The following C10orf90 variants were observed in gnomAD, a reference collection of about 807,000 sequenced individuals.
C10orf90 encodes chromosome 10 open reading frame 90.
Under a neutral mutation model 62.5 loss-of-function variants are expected in C10orf90, and 56 were observed. The observed-to-expected ratio is 0.90, with a 90% CI of 0.72 to 1.12. C10orf90 has a LOEUF of 1.12. C10orf90 is among the 50% of genes most tolerant of loss of function. The pLI, the probability that C10orf90 is intolerant of heterozygous loss-of-function variation, is 0.00. For missense variants in C10orf90, 970 were observed against 880.4 expected (o/e 1.10, Z -1.29); for synonymous variants, 386 against 340.4 (o/e 1.13, Z -1.47).
At chr10:126,523,333 A>T (rs1474922619) in intron 2 of C10orf90, 3 of 152,218 alleles carry the variant, frequency 2.0e-5, no homozygotes, top group African/African-American at 7.2e-5. Context: ...CACCCCGCTC[A>T]TGGGTACCGC....
chr10:126,465,368 G>A (rs1301980189), intron 4 of C10orf90, among the ~76,000 whole-genome samples: 2 of 151,118 alleles, frequency 1.3e-5, no homozygotes, highest in Admixed American at 6.6e-5. Flanking sequence ...TATTATTTAG[G>A]TTTCTGTAAT....
chr10:126,547,527 G>A lies in C10orf90; in HGVS notation c.314-33588C>T, dbSNP rs1387897325. Among the ~76,000 whole-genome samples the A allele has an allele frequency of 5.0e-5, 7 of 139,472 alleles. No homozygotes were observed. In the East Asian group the frequency reaches 6.2e-4, roughly 12 times the overall value. 91.5% of individuals were successfully genotyped at this position (139,472 alleles called of 152,430 possible). ...AAAAAAAAAAAAGACAATAGATGCC[G>A]ACACTGAGAGGACAAACACACCGGA... is the stretch of plus-strand genomic sequence containing the variant. On this transcript the variant is annotated intron_variant, in intron 2 of 9. Coordinates refer to ENST00000488181, the MANE Select transcript of C10orf90 (RefSeq NM_001350921.2).
chr10:126,590,044 C>G (rs1427091682), intron 2 of C10orf90, among the ~76,000 whole-genome samples: 2 of 152,068 alleles, frequency 1.3e-5, no homozygotes, highest in Non-Finnish European at 2.9e-5. Flanking sequence ...GGGTTGCAAT[C>G]CTAGTTTCTG....
chr10:126,567,325 G>A (rs1294345357), intron 2 of C10orf90, among the ~76,000 whole-genome samples: 1 of 152,142 alleles, frequency 6.6e-6, no homozygotes, highest in East Asian at 1.9e-4. Flanking sequence ...GGATGAAGGG[G>A]AAGGTGCTAC....
intron 4 of C10orf90, among the ~76,000 whole-genome samples, chr10:126,472,624 C>G (rs1860638696): frequency 6.6e-6 from 1 of 152,062 alleles, no homozygotes; most frequent in African/African-American, 2.4e-5. Flanking sequence ...TTCTTGCTTT[C>G]CTGGGTACTC....
intron 2 of C10orf90, among the ~76,000 whole-genome samples, chr10:126,533,611 C>G (rs1220698741): frequency 6.6e-6 from 1 of 152,146 alleles, no homozygotes; most frequent in African/African-American, 2.4e-5. Context: ...ACGGGAGCCC[C>G]CACATTTGAG....
At chr10:126,670,212 C>T (rs1439000801) in intron 1 of C10orf90, 29 bp downstream of exon 1, 1 of 455,584 alleles carries the variant, frequency 2.2e-6, no homozygotes, top group Non-Finnish European at 4.4e-6. Context: ...CAAGCGTGTA[C>T]CCACTCACCC....
intron 3 of C10orf90, among the ~76,000 whole-genome samples, chr10:126,506,683 T>C (rs953767885): frequency 6.6e-6 from 1 of 152,218 alleles, no homozygotes; most frequent in Admixed American, 6.5e-5. Flanking sequence ...GTCACACACT[T>C]TGAGAAACAC....
chr10:126,547,139 G>A lies in C10orf90; in HGVS notation c.314-33200C>T, dbSNP rs114051085. Reference sequence around the variant, plus strand: ...ACAACAACAAAAACAACAAAAAAAGGCCGGGCGTTGTGGCTCACGCCTGTA... The same window carrying A: ...ACAACAACAAAAACAACAAAAAAAGACCGGGCGTTGTGGCTCACGCCTGTA... On this transcript the variant is annotated intron_variant, in intron 2 of 9. Coordinates refer to ENST00000488181, the MANE Select transcript of C10orf90 (RefSeq NM_001350921.2). 5.5e-3 allele frequency among the ~76,000 whole-genome samples: 820 copies of A among 150,174 alleles called. 6 individuals are homozygous for A. The highest frequency in any genetic ancestry group is 0.033 in the East Asian group (164 of 4,936).
rs1171383933 is a variant in C10orf90 at position 126,504,426 on chromosome 10, C to A, written c.1065G>T (p.Gln355His). Reference protein sequence around the residue: ...FSSCVHLRVSQQCPDSIYYVD... With the variant: ...FSSCVHLRVSHQCPDSIYYVD... ...CGTAATAGATTGAATCTGGACACTG[C>A]TGAGACACCCTGAGGTGGACACAGG... The change falls in exon 4 of 10, where the codon CAG becomes CAT. Residue 355 changes from glutamine (Q) to histidine (H), a missense_variant. Gln to His is a conservative substitution (Grantham distance 24, BLOSUM62 0). Transcript: ENST00000488181. The surrounding 1 kb of genome is among the most constrained non-coding windows in gnomAD (Gnocchi z 4.1). 1 of 1,614,090 alleles carries A rather than the reference C, an allele frequency of 6.2e-7. No individual in the cohort carries two copies. The highest frequency in any genetic ancestry group is 8.5e-7 in the Non-Finnish European group (1 of 1,180,058).
intron 7 of C10orf90, among the ~76,000 whole-genome samples, chr10:126,432,423 T>C (rs1443483532): frequency 6.6e-6 from 1 of 152,152 alleles, no homozygotes; most frequent in Non-Finnish European, 1.5e-5. Context: ...AAATAACAGA[T>C]AAGACCGTCC....
intron 2 of C10orf90, among the ~76,000 whole-genome samples, chr10:126,577,955 C>G (rs1844661313): frequency 6.6e-6 from 1 of 152,020 alleles, no homozygotes; most frequent in Non-Finnish European, 1.5e-5. Context: ...TATCTGGTCC[C>G]CTATTTTCAT....
chr10:126,548,616 C>T (rs34805050), intron 2 of C10orf90, among the ~76,000 whole-genome samples: 57,591 of 152,002 alleles, frequency 0.38, 11,099 homozygotes, highest in Non-Finnish European at 0.41. Flanking sequence ...CCACCCAACT[C>T]GGCCTCCCAA....
chr10:126,573,336 C>G (rs1844546809), intron 2 of C10orf90, among the ~76,000 whole-genome samples: 1 of 152,210 alleles, frequency 6.6e-6, no homozygotes, highest in African/African-American at 2.4e-5. Context: ...CCGATTAGGT[C>G]AGGGCTCGAT....
rs142270715 is a variant in C10orf90, at chr10:126,545,683, A to G, written c.314-31744T>C. Among the ~76,000 whole-genome samples the G allele has an allele frequency of 3.1e-3, 468 of 152,296 alleles. 2 individuals carry two copies. Among genetic ancestry groups the G allele is most frequent in the African/African-American group, 0.011 (439 of 41,568 alleles). On this transcript the variant is annotated intron_variant, in intron 2 of 9. Transcript: ENST00000488181. ...TGAGAAAGATGTATCCTCACCGTATAGCACTTTTCTGAGCATATAACTCTT... is the reference window on the plus strand; with the variant it reads ...TGAGAAAGATGTATCCTCACCGTATGGCACTTTTCTGAGCATATAACTCTT...
At chr10:126,653,292 ACC>A (rs1411260857) in intron 1 of C10orf90, among the ~76,000 whole-genome samples, 4 of 152,196 alleles carry the variant, frequency 2.6e-5, no homozygotes, top group African/African-American at 4.8e-5. Context: ...GAGGCATTTC[ACC>A]CGCAGTAGAA....
rs186721176 is a variant in C10orf90 at position 126,520,140 on chromosome 10, C to T, written c.314-6201G>A. On this transcript the variant is annotated intron_variant, in intron 2 of 9. Transcript: ENST00000488181. ...CCTCCCCCTCACCTCCAACATCCAA[C>T]TGAAAGCCAAGGCTGGTTTGCTCCT... 7 of 152,498 alleles carry T rather than the reference C, an allele frequency of 4.6e-5. No homozygotes were observed. The East Asian group carries it at 1.4e-3, about 30-fold the overall frequency. 9.4% of individuals were successfully genotyped at this position (152,498 alleles called of 1,614,324 possible). A position where few individuals can be genotyped will look rare whatever the true frequency, so the allele number is the denominator to read the frequency against.
intron 7 of C10orf90, among the ~76,000 whole-genome samples, chr10:126,449,992 C>CAAAAAAAAAA: frequency 9.5e-6 from 1 of 105,454 alleles, no homozygotes; most frequent in Non-Finnish European, 2.1e-5. Flanking sequence ...GACGCCATCT[C>CAAAAAAAAAA]AAAAAAAAAA....
At chr10:126,617,104 A>G (rs1845555923) in intron 2 of C10orf90, among the ~76,000 whole-genome samples, 1 of 152,222 alleles carries the variant, frequency 6.6e-6, no homozygotes, top group Non-Finnish European at 1.5e-5. Context: ...AAAGAGAAGC[A>G]GAGCAAAAAC....
Sources: allele counts gnomAD v4.1 joint callset (sites outside exome capture counted in the v4.1 genomes callset), GRCh38; gene constraint gnomAD v4.1.1; non-coding constraint Gnocchi (gnomAD v3.1); transcripts MANE v1.5; gene names NCBI Gene and HGNC (gene_info 2026-07-23, HGNC 2026-07-21).